ASTN2: variants seen among roughly 807,000 people sequenced by gnomAD.
The protein encoded by ASTN2 is astrotactin 2, also known as astrotactin-2.
Under a neutral mutation model 139.8 loss-of-function variants are expected in ASTN2, and 54 were observed. The observed-to-expected ratio is 0.39, with a 90% CI of 0.31 to 0.48. The LOEUF is 0.48. ASTN2 is among the 20% of genes least tolerant of loss of function. The pLI is 0.95. For missense variants in ASTN2, 1,565 were observed against 1,725.1 expected (o/e 0.91, Z 1.64); for synonymous variants, 756 against 719.5 (o/e 1.05, Z -0.81).
chr9:117,183,241 C>T (rs554197828), intron 3 of ASTN2, among the ~76,000 whole-genome samples: 3 of 152,266 alleles, frequency 2.0e-5, no homozygotes, highest in South Asian at 2.1e-4. Flanking sequence ...GAAAGGGTCA[C>T]GCCAGCACTT....
At chr9:117,028,722 C>T (rs1355399140) in intron 6 of ASTN2, among the ~76,000 whole-genome samples, 1 of 152,162 alleles carries the variant, frequency 6.6e-6, no homozygotes, top group African/African-American at 2.4e-5. Flanking sequence ...TCCCTACCTC[C>T]CTGTTCAGGG....
chr9:117,166,158 C>T (rs2132913412), intron 3 of ASTN2, among the ~76,000 whole-genome samples: 1 of 152,044 alleles, frequency 6.6e-6, no homozygotes, highest in East Asian at 1.9e-4. Context: ...ATGATAATAC[C>T]AAGCATCTGC....
At chr9:117,027,451 C>T (rs572107247) in intron 6 of ASTN2, among the ~76,000 whole-genome samples, 11 of 152,266 alleles carry the variant, frequency 7.2e-5, no homozygotes, top group African/African-American at 2.2e-4. Context: ...TCCATTCATG[C>T]CCCCATGGAG....
At chr9:116,907,602 T>C (rs1385072067) in intron 10 of ASTN2, among the ~76,000 whole-genome samples, 1 of 151,656 alleles carries the variant, frequency 6.6e-6, no homozygotes, top group African/African-American at 2.4e-5. Flanking sequence ...AGGAGCAGAG[T>C]GTGATTAAGA....
chr9:116,438,706 A>G (rs781162351), intron 22 of ASTN2, among the ~76,000 whole-genome samples: 2 of 152,276 alleles, frequency 1.3e-5, no homozygotes, highest in African/African-American at 4.8e-5. Flanking sequence ...GCACTTTGGG[A>G]GGCTGAGATG....
chr9:116,487,040 C>A (rs1201025586), intron 20 of ASTN2, among the ~76,000 whole-genome samples: 2 of 152,036 alleles, frequency 1.3e-5, no homozygotes, highest in Non-Finnish European at 2.9e-5. Flanking sequence ...GATCCCTGAC[C>A]CAACCATCCT....
At chr9:116,610,889 T>C (rs930196162) in intron 19 of ASTN2, 1 of 151,900 alleles carries the variant, frequency 6.6e-6, no homozygotes. Context: ...CAAATATTGA[T>C]ACAAGAAGAC....
At chr9:116,726,080 G>A (rs1828614328) in intron 15 of ASTN2, 130 bp from the exon 16 acceptor site, 3 of 760,212 alleles carry the variant, frequency 3.9e-6, no homozygotes, top group South Asian at 1.8e-5. Context: ...CAGCTTGGTG[G>A]CTGCACTAGT....
rs550696716 is a variant in ASTN2, at chr9:117,389,881, G to A, written c.442+24616C>T. The stretch of plus-strand genomic sequence containing the variant: ...AAAAAAAAAAAAAGAACAGGGTGTT[G>A]TGAGAAAGACAGTGTATTCGGGGGT... On this transcript the variant is annotated intron_variant, in intron 1 of 22. Coordinates refer to ENST00000313400, the MANE Select transcript of ASTN2 (RefSeq NM_001365068.1). Among the ~76,000 whole-genome samples, 3 of 151,982 alleles carry A rather than the reference G, an allele frequency of 2.0e-5. No homozygotes were observed. The South Asian group carries it at 6.2e-4, about 32-fold the overall frequency.
At chr9:117,379,790 T>C (rs1830218046) in intron 1 of ASTN2, among the ~76,000 whole-genome samples, 1 of 152,188 alleles carries the variant, frequency 6.6e-6, no homozygotes, top group Non-Finnish European at 1.5e-5. Flanking sequence ...CTCTCATCTA[T>C]ATATTTTATC....
At chr9:117,332,948 G>C (rs1439740036) in intron 1 of ASTN2, among the ~76,000 whole-genome samples, 1 of 152,180 alleles carries the variant, frequency 6.6e-6, no homozygotes, top group Non-Finnish European at 1.5e-5. Flanking sequence ...TGTCCAGAAA[G>C]TAGACTAGTG....
intron 10 of ASTN2, among the ~76,000 whole-genome samples, chr9:116,935,131 T>C (rs1453388498): frequency 6.6e-6 from 1 of 152,234 alleles, no homozygotes; most frequent in African/African-American, 2.4e-5. Context: ...CAAATCTTCA[T>C]GTCTGTGCTG....
intron 10 of ASTN2, among the ~76,000 whole-genome samples, chr9:116,873,255 G>C (rs562443603): frequency 6.6e-6 from 1 of 152,194 alleles, no homozygotes; most frequent in South Asian, 2.1e-4. Context: ...AAAGCATTAG[G>C]ACAGTGCCTG....
At chr9:116,904,483 C>T (rs747823621) in intron 10 of ASTN2, among the ~76,000 whole-genome samples, 3 of 152,164 alleles carry the variant, frequency 2.0e-5, no homozygotes, top group Non-Finnish European at 4.4e-5. Flanking sequence ...CTCTCCAATC[C>T]CAGCTATGTT....
At chr9:117,280,492 C>A (rs1375352566) in intron 2 of ASTN2, among the ~76,000 whole-genome samples, 3 of 152,042 alleles carry the variant, frequency 2.0e-5, no homozygotes, top group Non-Finnish European at 2.9e-5. Flanking sequence ...TAATGAGAGG[C>A]GCATGGAAGA....
intron 19 of ASTN2, among the ~76,000 whole-genome samples, chr9:116,551,922 A>C (rs61173206): frequency 6.6e-6 from 1 of 152,070 alleles, no homozygotes; most frequent in Non-Finnish European, 1.5e-5. Flanking sequence ...AGAAAAGGAA[A>C]ATGCTATCTA....
chr9:117,249,039 T>G (rs1309105952), intron 2 of ASTN2, among the ~76,000 whole-genome samples: 1 of 152,196 alleles, frequency 6.6e-6, no homozygotes, highest in Non-Finnish European at 1.5e-5. Context: ...AAGTCTTGCT[T>G]TCTAATAAAT....
At chr9:116,777,642 G>A (rs769048368) in intron 13 of ASTN2, among the ~76,000 whole-genome samples, 5 of 152,092 alleles carry the variant, frequency 3.3e-5, no homozygotes, top group African/African-American at 4.8e-5. Flanking sequence ...GTCTGGAGTG[G>A]TGACTGAGAA....
intron 7 of ASTN2, among the ~76,000 whole-genome samples, chr9:117,007,073 C>T (rs939455971): frequency 2.0e-5 from 3 of 152,092 alleles, no homozygotes; most frequent in Non-Finnish European, 2.9e-5. Context: ...GTCGAGATCA[C>T]GCCACTGACT....
Sources: gnomAD v4.1 joint callset for allele counts (sites outside exome capture counted in the v4.1 genomes callset) on GRCh38, gnomAD v4.1.1 for gene constraint, MANE v1.5 for transcripts, NCBI Gene and HGNC (gene_info 2026-07-23, HGNC 2026-07-21) for gene names.